The following BCL2L14 variants were observed in gnomAD, a reference collection of about 807,000 sequenced individuals.
BCL2L14 encodes the protein BCL2 like 14.
Under a neutral mutation model 35.3 loss-of-function variants are expected in BCL2L14, and 27 were observed. The observed-to-expected ratio is 0.76, with a 90% CI of 0.56 to 1.05. The LOEUF (loss-of-function observed/expected upper bound fraction) is 1.05. Ranked by LOEUF, BCL2L14 falls within the 50% of genes least tolerant of loss-of-function variation. BCL2L14 has a pLI of 0.00. For missense variants in BCL2L14, 377 were observed against 382.6 expected (o/e 0.99, Z 0.12); for synonymous variants, 139 against 145.9 (o/e 0.95, Z 0.34).
chr12:12,095,024 T>TG (rs1428935990), intron 5 of BCL2L14, 94 bp downstream of exon 5: 9 of 1,488,400 alleles, frequency 6.0e-6, no homozygotes, highest in African/African-American at 1.4e-5. Flanking sequence ...AACACATCTA[T>TG]GAAGCAGTTC....
intron 2 of BCL2L14, among the ~76,000 whole-genome samples, chr12:12,060,929 GGA>G (rs1948514722): frequency 2.0e-5 from 1 of 50,426 alleles, no homozygotes. Flanking sequence ...CTCTCACAGT[GGA>G]GGGTAAGCCC....
chr12:12,076,825 C>T (rs1948789604), intron 1 of BCL2L14, among the ~76,000 whole-genome samples: 1 of 152,178 alleles, frequency 6.6e-6, no homozygotes, highest in Admixed American at 6.5e-5. Flanking sequence ...ATCCAGCAGG[C>T]CCTCAGGGGA....
intron 2 of BCL2L14, among the ~76,000 whole-genome samples, chr12:12,083,292 C>T (rs1948969013): frequency 6.6e-6 from 1 of 152,112 alleles, no homozygotes; most frequent in African/African-American, 2.4e-5. Flanking sequence ...CTGTAAGTCA[C>T]TATGTAGCCT....
At position 12,083,126 on chromosome 12, in the gene BCL2L14, G is replaced by A. The variant is rs61923196; in HGVS notation, c.433+3388G>A. ...ACTACGGGCGCCCACCACCACGCCC[G>A]GCTAATTTTTTGTATTTTTAGTAGA... On this transcript the variant is annotated intron_variant, in intron 2 of 5. Coordinates refer to ENST00000308721, the MANE Select transcript of BCL2L14 (RefSeq NM_138723.2). 3.1e-3 allele frequency among the ~76,000 whole-genome samples: 465 copies of A among 152,136 alleles called. 2 individuals are homozygous for A. Among genetic ancestry groups the A allele is most frequent in the Admixed American group, 8.2e-3 (125 of 15,270 alleles).
chr12:12,094,486 G>A (rs973057363), intron 4 of BCL2L14, 178 bp from the exon 5 acceptor site: 1 of 1,581,880 alleles, frequency 6.3e-7, no homozygotes, highest in Non-Finnish European at 8.7e-7. Context: ...TCACCGAGCA[G>A]TACATGCCCA....
intron 2 of BCL2L14, among the ~76,000 whole-genome samples, chr12:12,059,130 T>C (rs1948481711): frequency 6.6e-6 from 1 of 152,166 alleles, no homozygotes; most frequent in Non-Finnish European, 1.5e-5. Flanking sequence ...CAGCCTTCCC[T>C]TAGTGTTTAA....
intron 2 of BCL2L14, among the ~76,000 whole-genome samples, chr12:12,084,051 C>T (rs1404313395): frequency 6.6e-6 from 1 of 152,210 alleles, no homozygotes; most frequent in Non-Finnish European, 1.5e-5. Context: ...ACATCTCAGG[C>T]AAGAATAAAA....
At chr12:12,076,502 C>T (rs73289706) in intron 1 of BCL2L14, among the ~76,000 whole-genome samples, 1,847 of 152,178 alleles carry the variant, frequency 0.012, 33 homozygotes, top group African/African-American at 0.042. Flanking sequence ...TTGCTTACAT[C>T]CAGTTATGTG....
intron 2 of BCL2L14, among the ~76,000 whole-genome samples, chr12:12,056,002 G>C (rs10845460): frequency 0.63 from 95,450 of 151,726 alleles, 30,647 homozygotes; most frequent in East Asian, 0.78. Flanking sequence ...CATCATCCCC[G>C]AGGCGATGTC....
chr12:12,067,091 G>C (rs1281928940), upstream of BCL2L14, among the ~76,000 whole-genome samples: 1 of 151,892 alleles, frequency 6.6e-6, no homozygotes, highest in Non-Finnish European at 1.5e-5. Context: ...TGGAGACTGA[G>C]TCTCGCTCTG....
At chr12:12,051,502 T>C (rs571559811) in intron 1 of BCL2L14, among the ~76,000 whole-genome samples, 25 of 152,062 alleles carry the variant, frequency 1.6e-4, no homozygotes, top group Non-Finnish European at 2.9e-4. Flanking sequence ...ATCTCCTCAT[T>C]AAATGATTGT....
At chr12:12,069,138 TGATA>T (rs1278024805), upstream of BCL2L14, among the ~76,000 whole-genome samples, 1 of 152,202 alleles carries the variant, frequency 6.6e-6, no homozygotes, top group Non-Finnish European at 1.5e-5. Context: ...ATCTTGGTTT[TGATA>T]GATTTGGGCT....
chr12:12,092,191 C>G (rs754816457), intron 4 of BCL2L14, among the ~76,000 whole-genome samples: 1 of 152,106 alleles, frequency 6.6e-6, no homozygotes, highest in Non-Finnish European at 1.5e-5. Flanking sequence ...GTGGGAAAGG[C>G]GGAGTGGGGG....
intron 5 of BCL2L14, chr12:12,095,650 A>C (rs1949298723): frequency 1.0e-6 from 1 of 985,408 alleles, no homozygotes; most frequent in Non-Finnish European, 1.2e-6. Context: ...ACAGACCTTC[A>C]TCCCACATTA....
At chr12:12,051,414 G>T (rs919861756) in intron 1 of BCL2L14, among the ~76,000 whole-genome samples, 3 of 152,104 alleles carry the variant, frequency 2.0e-5, no homozygotes, top group Non-Finnish European at 2.9e-5. Context: ...AATCCCGAGG[G>T]TTCCCCTCTA....
chr12:12,073,086 G>C (rs1452522242), intron 1 of BCL2L14, among the ~76,000 whole-genome samples: 1 of 152,082 alleles, frequency 6.6e-6, no homozygotes, highest in Non-Finnish European at 1.5e-5. Flanking sequence ...CGGAGCCAAG[G>C]CTGGTCTTGA....
At chr12:12,079,190 C>T in intron 1 of BCL2L14, 109 bp from the exon 2 acceptor site, 3 of 939,228 alleles carry the variant, frequency 3.2e-6, no homozygotes, top group Middle Eastern at 2.5e-4. Context: ...AGCACAAACA[C>T]AATAGATGTT....
rs1949287143 is a variant in BCL2L14, at chr12:12,095,109, T to C, written c.945+179T>C. Reference sequence around the variant, plus strand: ...AACATATTTTTAGTGATTATCTTCATCATCAATAAATATTTACTGAGCTCT... The same window carrying C: ...AACATATTTTTAGTGATTATCTTCACCATCAATAAATATTTACTGAGCTCT... On this transcript the variant is annotated intron_variant, in intron 5 of 5. Transcript: ENST00000308721. The C allele has an allele frequency of 5.1e-6, 5 of 985,178 alleles. No homozygotes were observed. In the South Asian group the frequency reaches 2.3e-4, roughly 46 times the overall value. 61.0% of individuals were successfully genotyped at this position (985,178 alleles called of 1,614,324 possible).
upstream of BCL2L14, among the ~76,000 whole-genome samples, chr12:12,067,614 G>A (rs1308855506): frequency 6.6e-6 from 1 of 152,128 alleles, no homozygotes; most frequent in Non-Finnish European, 1.5e-5. Flanking sequence ...AGTTTGTCCT[G>A]TGTCTCCTTT....
Sources: allele counts gnomAD v4.1 joint callset (sites outside exome capture counted in the v4.1 genomes callset), GRCh38; gene constraint gnomAD v4.1.1; transcripts MANE v1.5; gene names NCBI Gene and HGNC (gene_info 2026-07-23, HGNC 2026-07-21).